Variants in REEP1 observed in about 807,000 individuals in gnomAD.
REEP1 encodes receptor expression-enhancing protein 1.
In REEP1, 22 loss-of-function variants were observed where a neutral mutation model predicts 40.3. That is an observed-to-expected ratio of 0.55 (90% CI 0.39 to 0.78). REEP1 has a LOEUF of 0.78. REEP1 is among the 30% of genes least tolerant of loss of function. The pLI, the probability that REEP1 is intolerant of heterozygous loss-of-function variation, is 0.00. For missense variants in REEP1, 280 were observed against 361.1 expected (o/e 0.78, Z 1.82); for synonymous variants, 116 against 139.2 (o/e 0.83, Z 1.17).
intron 1 of REEP1, among the ~76,000 whole-genome samples, chr2:86,312,669 T>C (rs1679817289): frequency 6.6e-6 from 1 of 152,234 alleles, no homozygotes; most frequent in South Asian, 2.1e-4. Context: ...GCAAATTCCT[T>C]ACCCTTTCTA....
At chr2:86,244,381 AT>A (rs1214176972) in intron 5 of REEP1, among the ~76,000 whole-genome samples, 6 of 151,512 alleles carry the variant, frequency 4.0e-5, no homozygotes, top group African/African-American at 1.2e-4. Flanking sequence ...GAGTGGGAAA[AT>A]TTTTTTTAAG....
intron 1 of REEP1, among the ~76,000 whole-genome samples, chr2:86,286,743 A>G (rs1377016365): frequency 6.6e-6 from 1 of 152,186 alleles, no homozygotes; most frequent in Non-Finnish European, 1.5e-5. Flanking sequence ...GGGCATAACT[A>G]CAAGCTGTGG....
chr2:86,279,819 C>T (rs1677968792), intron 2 of REEP1, among the ~76,000 whole-genome samples: 1 of 152,162 alleles, frequency 6.6e-6, no homozygotes, highest in Non-Finnish European at 1.5e-5. Context: ...GAGCACAGCC[C>T]TGCTTGATTT....
intron 1 of REEP1, among the ~76,000 whole-genome samples, chr2:86,301,168 C>T (rs543055029): frequency 3.9e-5 from 6 of 152,240 alleles, no homozygotes; most frequent in Admixed American, 3.9e-4. Flanking sequence ...CCTTCATCCG[C>T]ATTCTCTTTG....
chr2:86,314,653 T>C (rs1379464328), intron 1 of REEP1, among the ~76,000 whole-genome samples: 1 of 151,374 alleles, frequency 6.6e-6, no homozygotes, highest in African/African-American at 2.4e-5. Flanking sequence ...TCTTCCCCAG[T>C]GTGCTTTTGG....
At chr2:86,327,087 T>G (rs559786799) in intron 1 of REEP1, among the ~76,000 whole-genome samples, 74 of 152,348 alleles carry the variant, frequency 4.9e-4, no homozygotes, top group African/African-American at 1.8e-3. Flanking sequence ...AGCTCTAAGA[T>G]GCAGTGTGAA....
intron 1 of REEP1, among the ~76,000 whole-genome samples, chr2:86,318,485 G>A (rs1382177425): frequency 6.8e-6 from 1 of 146,380 alleles, no homozygotes; most frequent in Non-Finnish European, 1.5e-5. Context: ...TGCAACCTCC[G>A]CCTCCCGGGT....
chr2:86,336,081 A>C (rs1308780107), intron 1 of REEP1, among the ~76,000 whole-genome samples: 2 of 152,166 alleles, frequency 1.3e-5, no homozygotes, highest in African/African-American at 2.4e-5. Context: ...CCCAGAGAGG[A>C]AACACCACCC....
chr2:86,264,866 T>C (rs1346334154), intron 2 of REEP1, among the ~76,000 whole-genome samples: 1 of 152,168 alleles, frequency 6.6e-6, no homozygotes, highest in Non-Finnish European at 1.5e-5. Context: ...GGAACCACAC[T>C]GGGTTAGTAC....
intron 2 of REEP1, among the ~76,000 whole-genome samples, chr2:86,268,262 A>T (rs986892210): frequency 6.6e-6 from 1 of 152,186 alleles, no homozygotes; most frequent in Non-Finnish European, 1.5e-5. Context: ...ACTCACCAAA[A>T]AAATCCTCCT....
At chr2:86,292,678 T>G (rs2104431853) in intron 1 of REEP1, among the ~76,000 whole-genome samples, 1 of 152,240 alleles carries the variant, frequency 6.6e-6, no homozygotes, top group South Asian at 2.1e-4. Flanking sequence ...CTACATGGTA[T>G]ATATTTAGGC....
intron 5 of REEP1, chr2:86,251,592 C>T (rs1291041343): frequency 2.1e-5 from 7 of 340,240 alleles, no homozygotes; most frequent in Non-Finnish European, 2.9e-5. Flanking sequence ...AGCACTCTCT[C>T]CCTCTCTCCC....
At chr2:86,273,581 C>T (rs950467203) in intron 2 of REEP1, among the ~76,000 whole-genome samples, 2 of 152,082 alleles carry the variant, frequency 1.3e-5, no homozygotes, top group African/African-American at 4.8e-5. Flanking sequence ...CCACCACACC[C>T]GCAAACTGGC....
chr2:86,257,387 T>TC (rs58262033), intron 3 of REEP1, among the ~76,000 whole-genome samples: 4,581 of 152,138 alleles, frequency 0.03, 113 homozygotes, highest in East Asian at 0.069. Context: ...AGAGTCTCCT[T>TC]CCCCCGCCTA....
In REEP1 at chr2:86,228,149, A is replaced by G. The variant is rs571974102; in HGVS notation, c.596-751T>C. ...CATCCTGGGTGCTGAAAGCAACAGG[A>G]AAGAACTCTCCTTCCCCTTCTCCAA... On this transcript the variant is annotated intron_variant, in intron 6 of 8. Coordinates refer to ENST00000538924, the MANE Select transcript of REEP1 (RefSeq NM_001371279.1). Among the ~76,000 whole-genome samples, 34 of 152,308 alleles carry G rather than the reference A, an allele frequency of 2.2e-4. 1 individual carries two copies. The highest frequency in any genetic ancestry group is 8.2e-4 in the African/African-American group (34 of 41,586).
Position 86,282,178 on chromosome 2 carries a change from T to C in REEP1, c.97A>G (p.Lys33Glu). ...SYKAVKSKDI[K>E]EYVKWMMYWI... ...TACACAGTGCTACTTACATATTCCT[T>C]AATGTCCTTTGATTTCACAGCCTTG... Residue 33 changes from lysine (K) to glutamate (E), a missense_variant, in exon 2 of 9, where the codon AAG (lysine) becomes GAG (glutamate). By Grantham distance (56) the Lys-to-Glu change is moderately conservative (BLOSUM62 1). This residue lies in a region of REEP1 where 68 missense variants were observed against 83.7 expected (regional missense o/e 0.81). Transcript: ENST00000538924. The C allele has an allele frequency of 6.2e-7, 1 of 1,607,704 alleles. No individual in the cohort carries two copies. The highest frequency in any genetic ancestry group is 8.5e-7 in the Non-Finnish European group (1 of 1,174,306).
intron 1 of REEP1, among the ~76,000 whole-genome samples, chr2:86,320,788 G>T (rs1680241996): frequency 1.3e-5 from 2 of 152,228 alleles, no homozygotes; most frequent in Admixed American, 6.5e-5. Flanking sequence ...TATTCATAAT[G>T]CAGCAGTGAC....
chr2:86,297,742 A>T (rs991624601), intron 1 of REEP1: 1 of 984,682 alleles, frequency 1.0e-6, no homozygotes, highest in East Asian at 1.1e-4. Context: ...AAAGCAACCT[A>T]CCTCCTCATT....
chr2:86,243,415 C>T (rs1035228642), intron 5 of REEP1, among the ~76,000 whole-genome samples: 4 of 152,226 alleles, frequency 2.6e-5, no homozygotes, highest in African/African-American at 7.2e-5. Flanking sequence ...TCAGGCTGCA[C>T]AATCTCCACA....
Sources: gnomAD v4.1 joint callset for allele counts (sites outside exome capture counted in the v4.1 genomes callset) on GRCh38, gnomAD v4.1.1 for gene constraint, gnomAD v4.1.1 regional missense constraint, MANE v1.5 for transcripts, NCBI Gene and HGNC (gene_info 2026-07-23, HGNC 2026-07-21) for gene names.